The following EZR variants were observed in gnomAD, a reference collection of about 807,000 sequenced individuals.
EZR encodes the protein ezrin.
EZR carries 40 observed loss-of-function variants against 74.8 expected under a neutral mutation model. The ratio of observed to expected loss-of-function variants is 0.53; its 90% CI spans 0.42 to 0.70. The LOEUF (loss-of-function observed/expected upper bound fraction) is 0.70, where lower values mean the gene tolerates loss of function less well. Ranked by LOEUF, EZR falls within the 30% of genes least tolerant of loss-of-function variation. The probability of loss-of-function intolerance (pLI) is 0.00; values close to 1 mark genes in which losing one functional copy is unlikely to be tolerated. For synonymous variants in EZR, 341 were observed against 283.3 expected, an observed-to-expected ratio of 1.20 and a Z score of -2.05; for missense variants, 678 against 755.8, an observed-to-expected ratio of 0.90 and a Z score of 1.21.
chr6:158,767,236 G>A lies in EZR; in HGVS notation c.1596+25C>T, dbSNP rs201724332. On this transcript the variant is annotated intron_variant, in intron 13 of 13. Coordinates refer to ENST00000367075, the MANE Select transcript of EZR (RefSeq NM_001111077.2). ...GCTCCAAAAGCGAGGCAGGCTCCCT[G>A]GAGACAGAGCCCCTTGGGCCTCACC... 308 of 1,599,898 alleles carry A rather than the reference G, an allele frequency of 1.9e-4. 1 individual carries two copies. In the African/African-American group the frequency reaches 2.6e-3, roughly 13 times the overall value.
At chr6:158,808,902 A>C (rs1314768957) in intron 2 of EZR, among the ~76,000 whole-genome samples, 1 of 152,236 alleles carries the variant, frequency 6.6e-6, no homozygotes, top group African/African-American at 2.4e-5. Flanking sequence ...CTGAGGCAGG[A>C]GGATGGCTTG....
intron 8 of EZR, among the ~76,000 whole-genome samples, chr6:158,775,159 A>T (rs1340269070): frequency 6.6e-6 from 1 of 150,666 alleles, no homozygotes; most frequent in African/African-American, 2.5e-5. Flanking sequence ...CAGCCTCCCG[A>T]GCAGCTGAGA....
At chr6:158,793,249 A>T (rs1416365232) in intron 2 of EZR, among the ~76,000 whole-genome samples, 4 of 151,880 alleles carry the variant, frequency 2.6e-5, no homozygotes, top group Admixed American at 2.0e-4. Flanking sequence ...TTTTAAAAAA[A>T]TAAAAATGAT....
chr6:158,781,792 C>A (rs1254602387), intron 7 of EZR, among the ~76,000 whole-genome samples: 2 of 152,048 alleles, frequency 1.3e-5, no homozygotes, highest in African/African-American at 4.8e-5. Flanking sequence ...GAGACACGGT[C>A]TCGCTCTGTC....
chr6:158,789,122 A>G (rs1791664035), intron 3 of EZR, among the ~76,000 whole-genome samples, 166 bp downstream of exon 3: 1 of 152,222 alleles, frequency 6.6e-6, no homozygotes, highest in African/African-American at 2.4e-5. Context: ...CTGTTAATGC[A>G]TTTTATAATG....
chr6:158,818,410 C>G (rs1777612683), intron 1 of EZR, among the ~76,000 whole-genome samples: 2 of 149,706 alleles, frequency 1.3e-5, no homozygotes, highest in Non-Finnish European at 3.0e-5. Context: ...AGCCGGCGGG[C>G]ACTGGAGGTG....
Position 158,766,651 on chromosome 6 carries a change from A to C in EZR, c.*263T>G, listed in dbSNP as rs188249634. The C allele has an allele frequency of 2.0e-4, 88 of 433,274 alleles. No individual in the cohort carries two copies. Among genetic ancestry groups the C allele is most frequent in the African/African-American group, 1.5e-3 (75 of 49,756 alleles). 26.8% of individuals were successfully genotyped at this position (433,274 alleles called of 1,614,324 possible). Reference sequence around the variant, plus strand: ...CTTTACAGGCATTTTCCGTAATTCAATCAGTCCTGCTCCCAGCACAACACA... The same window carrying C: ...CTTTACAGGCATTTTCCGTAATTCACTCAGTCCTGCTCCCAGCACAACACA... On this transcript the variant is annotated 3_prime_UTR_variant, in exon 14 of 14. Coordinates refer to ENST00000367075, the MANE Select transcript of EZR (RefSeq NM_001111077.2).
intron 5 of EZR, 54 bp downstream of exon 5, chr6:158,785,255 C>G: frequency 1.9e-6 from 3 of 1,596,178 alleles, no homozygotes; most frequent in Non-Finnish European, 2.6e-6. Flanking sequence ...ATCACTTCTC[C>G]CTGCCGAGGA....
chr6:158,809,486 C>T (rs751817725), intron 2 of EZR, among the ~76,000 whole-genome samples: 16 of 152,198 alleles, frequency 1.1e-4, no homozygotes, highest in Non-Finnish European at 2.2e-4. Flanking sequence ...CTGCCACTTT[C>T]TCTACACAAA....
At position 158,787,209 on chromosome 6, in the gene EZR, T is replaced by A. The variant is rs762456843; in HGVS notation, c.97-6A>T. The A allele has an allele frequency of 3.1e-6, 5 of 1,606,786 alleles. 1 individual carries two copies. In the South Asian group the frequency reaches 5.5e-5, roughly 18 times the overall value. On this transcript the variant is annotated splice_region_variant and splice_polypyrimidine_tract_variant and intron_variant, in intron 3 of 13. Coordinates refer to ENST00000367075, the MANE Select transcript of EZR (RefSeq NM_001111077.2). ...AGGCCGATAGTCTTTACCACCTGCGTGAGAGAGAGAGAGGCTCAACACTCA... is the reference window on the plus strand; with the variant it reads ...AGGCCGATAGTCTTTACCACCTGCGAGAGAGAGAGAGAGGCTCAACACTCA...
At chr6:158,806,406 A>C (rs1777339805) in intron 2 of EZR, among the ~76,000 whole-genome samples, 1 of 152,164 alleles carries the variant, frequency 6.6e-6, no homozygotes, top group Non-Finnish European at 1.5e-5. Context: ...AGTAGAGAGA[A>C]TAAGTAGTAC....
intron 8 of EZR, among the ~76,000 whole-genome samples, chr6:158,772,869 A>G (rs1791160813): frequency 1.3e-5 from 2 of 151,968 alleles, no homozygotes; most frequent in South Asian, 4.2e-4. Flanking sequence ...CGGGCTCATC[A>G]ACACATCCGA....
intron 9 of EZR, among the ~76,000 whole-genome samples, 171 bp downstream of exon 9, chr6:158,771,073 A>G (rs1791092423): frequency 6.6e-6 from 1 of 152,202 alleles, no homozygotes; most frequent in Non-Finnish European, 1.5e-5. Flanking sequence ...CAACAGGCTC[A>G]GCACCACAGC....
chr6:158,805,684 GA>G (rs1464893838), intron 2 of EZR, among the ~76,000 whole-genome samples: 2 of 151,998 alleles, frequency 1.3e-5, no homozygotes, highest in Non-Finnish European at 2.9e-5. Context: ...CACCATTTCT[GA>G]AATTATACTA....
intron 7 of EZR, among the ~76,000 whole-genome samples, chr6:158,779,391 T>C (rs1316305657): frequency 6.6e-6 from 1 of 152,116 alleles, no homozygotes; most frequent in Non-Finnish European, 1.5e-5. Context: ...AAATAGGACA[T>C]CAGTGAGACA....
intron 2 of EZR, among the ~76,000 whole-genome samples, chr6:158,808,901 G>A (rs940746089): frequency 6.6e-6 from 1 of 152,232 alleles, no homozygotes; most frequent in African/African-American, 2.4e-5. Flanking sequence ...ACTGAGGCAG[G>A]AGGATGGCTT....
At chr6:158,809,035 T>C (rs1777398939) in intron 2 of EZR, among the ~76,000 whole-genome samples, 1 of 152,234 alleles carries the variant, frequency 6.6e-6, no homozygotes, top group South Asian at 2.1e-4. Flanking sequence ...AGTTCAAGGC[T>C]GTGGTGAGCT....
chr6:158,779,989 C>A (rs1378020397), intron 7 of EZR, among the ~76,000 whole-genome samples: 1 of 152,076 alleles, frequency 6.6e-6, no homozygotes, highest in African/African-American at 2.4e-5. Flanking sequence ...TTGAGACCAG[C>A]CTGGCCAACA....
At chr6:158,812,517 T>A (rs1458618920) in intron 2 of EZR, among the ~76,000 whole-genome samples, 1 of 152,110 alleles carries the variant, frequency 6.6e-6, no homozygotes. Flanking sequence ...TGCACTAAAT[T>A]AACCCTTCCT....
Sources: gnomAD v4.1 joint callset for allele counts (sites outside exome capture counted in the v4.1 genomes callset) on GRCh38, gnomAD v4.1.1 for gene constraint, MANE v1.5 for transcripts, NCBI Gene and HGNC (gene_info 2026-07-23, HGNC 2026-07-21) for gene names.